The following AASDH variants were observed in gnomAD, a reference collection of about 807,000 sequenced individuals.
The protein encoded by AASDH is aminoadipate-semialdehyde dehydrogenase, also known as beta-alanine-activating enzyme.
Under a neutral mutation model 102.3 loss-of-function variants are expected in AASDH, and 81 were observed. That is an observed-to-expected ratio of 0.79 (90% CI 0.66 to 0.95). The LOEUF (loss-of-function observed/expected upper bound fraction) is 0.95. Among genes scored for constraint, AASDH ranks in the 40% least tolerant of loss-of-function variants. The probability of loss-of-function intolerance (pLI) is 0.00; values close to 1 mark genes in which losing one functional copy is unlikely to be tolerated. For synonymous variants in AASDH, 398 were observed against 454.0 expected, an observed-to-expected ratio of 0.88 and a Z score of 1.57; for missense variants, 1,203 against 1,266.2, an observed-to-expected ratio of 0.95 and a Z score of 0.76.
intron 4 of AASDH, among the ~76,000 whole-genome samples, chr4:56,374,334 T>C (rs893440321): frequency 1.4e-5 from 2 of 144,780 alleles, no homozygotes; most frequent in Non-Finnish European, 3.0e-5. Flanking sequence ...CACTGCTGCA[T>C]TCCAGCCTGG....
At chr4:56,340,259 G>A (rs1577946156) in intron 14 of AASDH, among the ~76,000 whole-genome samples, 1 of 152,308 alleles carries the variant, frequency 6.6e-6, no homozygotes, top group African/African-American at 2.4e-5. Flanking sequence ...AACAAAGCTG[G>A]AGGCATCACA....
At chr4:56,347,291 T>C (rs1748437764) in intron 11 of AASDH, among the ~76,000 whole-genome samples, 1 of 152,280 alleles carries the variant, frequency 6.6e-6, no homozygotes, top group Admixed American at 6.5e-5. Context: ...ACTGAAAGTG[T>C]TCTGTAGTAT....
intron 2 of AASDH, among the ~76,000 whole-genome samples, chr4:56,383,827 T>C (rs1257986322): frequency 1.3e-5 from 2 of 152,160 alleles, no homozygotes; most frequent in African/African-American, 4.8e-5. Context: ...CCCTTACATT[T>C]TGGAGATACT....
intron 14 of AASDH, among the ~76,000 whole-genome samples, chr4:56,340,977 T>C (rs889792066): frequency 3.3e-5 from 5 of 152,176 alleles, no homozygotes; most frequent in Non-Finnish European, 4.4e-5. Flanking sequence ...GATATCATCT[T>C]ACCAAGTTAA....
At position 56,349,535 on chromosome 4, in the gene AASDH, T is replaced by C; in HGVS notation, c.2216A>G (p.Lys739Arg). 6.2e-7 allele frequency: 1 copy of C among 1,614,084 alleles called. No homozygotes were observed. Among genetic ancestry groups the C allele is most frequent in the East Asian group, 2.2e-5 (1 of 44,898 alleles). The change falls in exon 11 of 15, where the codon AAA (lysine) becomes AGA (arginine). Residue 739 changes from lysine to arginine, a missense_variant. Physicochemically the swap from Lys to Arg is conservative, Grantham distance 26 (BLOSUM62 2). Transcript: ENST00000205214. ...GKSKDPSCVA[K>R]VSEEGKPAIG... ...CGCAGGTTTCCCCTCTTCAGAAACT[T>C]TTGCAACACAGGATGGATCTTTTGA...
chr4:56,342,257 A>G (rs1157846148), intron 14 of AASDH, among the ~76,000 whole-genome samples: 2 of 152,174 alleles, frequency 1.3e-5, no homozygotes, highest in African/African-American at 4.8e-5. Flanking sequence ...AGCCAACAAC[A>G]ATATGTTGTA....
At chr4:56,367,545 G>A (rs1285309265) in intron 5 of AASDH, among the ~76,000 whole-genome samples, 1 of 124,454 alleles carries the variant, frequency 8.0e-6, no homozygotes, top group Non-Finnish European at 1.7e-5. Flanking sequence ...ACAGAACAGA[G>A]CCCTCAGAAA....
intron 5 of AASDH, among the ~76,000 whole-genome samples, chr4:56,364,349 A>G (rs1750716361): frequency 6.6e-6 from 1 of 152,186 alleles, no homozygotes. Flanking sequence ...CAACATTCAC[A>G]TTCAGGAAAT....
In AASDH at chr4:56,350,042, G is replaced by A. The variant is rs773063322; in HGVS notation, c.1709C>T (p.Pro570Leu). The A allele has an allele frequency of 2.5e-6, 4 of 1,593,538 alleles. No individual in the cohort carries two copies. In the South Asian group the frequency reaches 3.4e-5, roughly 13 times the overall value. ...QYLWKSTLNL[P>L]EDLLRVPDES... is the part of the protein sequence containing the mutation. Reference sequence around the variant, plus strand: ...ATCAGGAACCCTCAAAAGATCTTCTGGGAGATTCAGAGTAGACTACAGATG... The same window carrying A: ...ATCAGGAACCCTCAAAAGATCTTCTAGGAGATTCAGAGTAGACTACAGATG... Residue 570 changes from proline (P) to leucine (L), a missense_variant, in exon 11 of 15, where the codon CCA becomes CTA. By Grantham distance (98) the Pro-to-Leu change is moderately conservative. Coordinates refer to ENST00000205214, the MANE Select transcript of AASDH (RefSeq NM_181806.4).
intron 12 of AASDH, among the ~76,000 whole-genome samples, chr4:56,344,012 T>C (rs1748031625): frequency 6.6e-6 from 1 of 152,198 alleles, no homozygotes; most frequent in Non-Finnish European, 1.5e-5. Context: ...GTATCATATT[T>C]TGCTCACTGA....
chr4:56,355,156 C>T lies in AASDH; in HGVS notation c.1103+26G>A, dbSNP rs555959327. 2.3e-4 allele frequency: 374 copies of T among 1,605,874 alleles called. 1 individual carries two copies. The highest frequency in any genetic ancestry group is 3.1e-4 in the Non-Finnish European group (362 of 1,176,386). ...CCTAGAAATATACAGTCTCTCTTCT[C>T]TATATAGTACAATGAAAACCCTTAC... On this transcript the variant is annotated intron_variant, in intron 6 of 14. Coordinates refer to ENST00000205214, the MANE Select transcript of AASDH (RefSeq NM_181806.4).
chr4:56,367,521 T>C (rs1184614661), intron 5 of AASDH, among the ~76,000 whole-genome samples: 1 of 118,094 alleles, frequency 8.5e-6, no homozygotes, highest in African/African-American at 3.1e-5. Context: ...AAAACAGAGA[T>C]ATAGATCAAT....
At chr4:56,340,926 A>G (rs934085279) in intron 14 of AASDH, among the ~76,000 whole-genome samples, 4 of 152,242 alleles carry the variant, frequency 2.6e-5, no homozygotes, top group Admixed American at 6.5e-5. Flanking sequence ...AACACTCAAC[A>G]TCACTAATGA....
chr4:56,369,839 C>T (rs1358481383), intron 5 of AASDH, among the ~76,000 whole-genome samples: 1 of 151,168 alleles, frequency 6.6e-6, no homozygotes, highest in Non-Finnish European at 1.5e-5. Flanking sequence ...ACTCAGGAGG[C>T]CAAGGCACAA....
intron 1 of AASDH, among the ~76,000 whole-genome samples, chr4:56,387,048 A>T (rs1753651077): frequency 6.6e-6 from 1 of 152,168 alleles, no homozygotes; most frequent in Non-Finnish European, 1.5e-5. Context: ...ACGGTATGCA[A>T]CGAGTAACAA....
intron 5 of AASDH, among the ~76,000 whole-genome samples, chr4:56,359,919 A>T (rs1750108433): frequency 1.3e-5 from 2 of 152,138 alleles, no homozygotes; most frequent in Non-Finnish European, 2.9e-5. Flanking sequence ...GCAAGTGATC[A>T]ATCAATGATC....
At chr4:56,373,066 A>AG (rs1751934933) in intron 4 of AASDH, among the ~76,000 whole-genome samples, 1 of 152,234 alleles carries the variant, frequency 6.6e-6, no homozygotes, top group Admixed American at 6.5e-5. Context: ...CTTTCAGACA[A>AG]GGTAAGTAAG....
At chr4:56,381,601 T>C (rs1752951118) in intron 3 of AASDH, among the ~76,000 whole-genome samples, 1 of 144,522 alleles carries the variant, frequency 6.9e-6, no homozygotes, top group African/African-American at 2.6e-5. Context: ...AAAAAAACCC[T>C]TTGAGTCTCT....
chr4:56,338,560 C>T lies in AASDH; in HGVS notation c.3139G>A (p.Val1047Met). ...LLAAASTDGK[V>M]WILESQSGQL... Reference sequence around the variant, plus strand: ...CCACTCTGAGATTCCAAGATCCACACTTTCCCATCAGTAGATGCTGCTGCC... The same window carrying T: ...CCACTCTGAGATTCCAAGATCCACATTTTCCCATCAGTAGATGCTGCTGCC... Residue 1047 changes from valine (V) to methionine (M), a missense_variant, in exon 15 of 15, where the codon GTG becomes ATG. Transcript: ENST00000205214. The T allele has an allele frequency of 6.2e-7, 1 of 1,614,090 alleles. No individual in the cohort carries two copies. Among genetic ancestry groups the T allele is most frequent in the Admixed American group, 1.7e-5 (1 of 60,000 alleles).
Sources: allele counts gnomAD v4.1 joint callset (sites outside exome capture counted in the v4.1 genomes callset), GRCh38; gene constraint gnomAD v4.1.1; transcripts MANE v1.5; gene names NCBI Gene and HGNC (gene_info 2026-07-23, HGNC 2026-07-21).